The following GOLGA8O variants were observed in gnomAD, a reference collection of about 807,000 sequenced individuals.
GOLGA8O encodes the protein golgin subfamily A member 8O.
In GOLGA8O, 4 loss-of-function variants were observed where a neutral mutation model predicts 29.7. The ratio of observed to expected loss-of-function variants is 0.13; its 90% confidence interval spans 0.07 to 0.31. The LOEUF (loss-of-function observed/expected upper bound fraction) is 0.31, where lower values mean the gene tolerates loss of function less well. Among genes scored for constraint, GOLGA8O ranks in the 10% least tolerant of loss-of-function variants. GOLGA8O has a pLI of 1.00. For synonymous variants in GOLGA8O, 6 were observed against 78.0 expected (o/e 0.08, Z 4.87); for missense variants, 32 against 216.5 (o/e 0.15, Z 5.35).
chr15:32,442,341 G>T lies in GOLGA8O; in HGVS notation c.*2765C>A. Among the ~76,000 whole-genome samples the T allele has an allele frequency of 2.5e-5, 1 of 39,952 alleles. No individual in the cohort carries two copies. The highest frequency in any genetic ancestry group is 1.3e-4 in the African/African-American group (1 of 7,612). The allele number at this position is 39,952 out of a possible 152,430, so 26.2% of individuals were successfully genotyped here. A position where few individuals can be genotyped will look rare whatever the true frequency, so the allele number is the denominator to read the frequency against. On this transcript the variant is annotated 3_prime_UTR_variant, in exon 19 of 19. Coordinates refer to ENST00000509311, the MANE Select transcript of GOLGA8O (RefSeq NM_001277308.1). ...GAGCTGATTTTTTTTTTCATTTCTG[G>T]AAAATTATCAGGTTTAATCAAATAC...
chr15:32,452,578 T>C lies in GOLGA8O; in HGVS notation c.229-7A>G, dbSNP rs766110720. 2.2e-5 allele frequency: 23 copies of C among 1,039,050 alleles called. 1 individual carries two copies. The Admixed American group carries it at 2.2e-4, about 10-fold the overall frequency. The allele number at this position is 1,039,050 out of a possible 1,614,324, so 64.4% of individuals were successfully genotyped here. A position where few individuals can be genotyped will look rare whatever the true frequency, so the allele number is the denominator to read the frequency against. On this transcript the variant is annotated splice_polypyrimidine_tract_variant and splice_region_variant and intron_variant, in intron 3 of 18. Coordinates refer to ENST00000509311, the MANE Select transcript of GOLGA8O (RefSeq NM_001277308.1). ...CTCGTTCTTGGCACGGGCTCTGAGG[T>C]GCATGCAGAGAGGAGGAGGTGGAGC...
At chr15:32,458,794 G>T (rs1470150586), upstream of GOLGA8O, among the ~76,000 whole-genome samples, 1 of 107,782 alleles carries the variant, frequency 9.3e-6, no homozygotes, top group Non-Finnish European at 2.0e-5. Flanking sequence ...ACTGCAGATG[G>T]GTGTCACCAC....
intron 8 of GOLGA8O, among the ~76,000 whole-genome samples, chr15:32,450,577 A>C (rs1236805312): frequency 6.8e-6 from 1 of 147,032 alleles, no homozygotes; most frequent in South Asian, 2.2e-4. Context: ...TTTCTACAGA[A>C]ATGGTAACAT....
At chr15:32,458,879 T>C, upstream of GOLGA8O, among the ~76,000 whole-genome samples, 1 of 92,084 alleles carries the variant, frequency 1.1e-5, no homozygotes, top group African/African-American at 5.1e-5. Context: ...GCTCCTGGGC[T>C]CAAGTGATCC....
In GOLGA8O at chr15:32,451,511, C is replaced by G; in HGVS notation, c.348+90G>C. The stretch of plus-strand genomic sequence containing the variant: ...TGAGGGGTGAGCCTTCTTCCCCAAG[C>G]TGGGAGTGGGTGAGACGAGACTGGG... On this transcript the variant is annotated intron_variant, in intron 5 of 18. Transcript: ENST00000509311. The G allele has an allele frequency of 1.9e-6, 3 of 1,596,246 alleles. 1 individual carries two copies. The Admixed American group carries it at 5.1e-5, about 27-fold the overall frequency.
chr15:32,452,639 G>A (rs1274699830), intron 3 of GOLGA8O, 68 bp from the exon 4 acceptor site: 40 of 393,962 alleles, frequency 1.0e-4, no homozygotes, highest in South Asian at 4.4e-4. Context: ...ATGATCGTTA[G>A]GGCTGGGGTG....
chr15:32,460,651 A>T, the GOLGA8O span, among the ~76,000 whole-genome samples: 6 of 94,956 alleles, frequency 6.3e-5, no homozygotes, highest in Non-Finnish European at 1.3e-4. Flanking sequence ...TAAATGGTTT[A>T]CATGTACCAA....
In GOLGA8O at chr15:32,451,599, ACTTCTTCCAGCT is replaced by A. The variant is rs2055134010; in HGVS notation, c.338_348+1del. ...TGTCGCGAGGAAACGAAATCACGTTACTTCTTCCAGCTGATGTTCCACTTGTTTCTTCTGTTG... is the reference window on the plus strand; with the variant it reads ...TGTCGCGAGGAAACGAAATCACGTTAGATGTTCCACTTGTTTCTTCTGTTG... On this transcript the variant is annotated splice_donor_variant and coding_sequence_variant, in exon 5 of 19. Coordinates refer to ENST00000509311, the MANE Select transcript of GOLGA8O (RefSeq NM_001277308.1). LOFTEE classifies it high-confidence loss of function. 6.4e-7 allele frequency: 1 copy of A among 1,572,776 alleles called. No homozygotes were observed. Among genetic ancestry groups the A allele is most frequent in the Admixed American group, 1.7e-5 (1 of 58,662 alleles).
At chr15:32,455,660 C>T, upstream of GOLGA8O, 1 of 561,362 alleles carries the variant, frequency 1.8e-6, no homozygotes, top group Non-Finnish European at 3.1e-6. Flanking sequence ...TAACCAGGGC[C>T]CCAGTAGAAT....
At chr15:32,460,690 C>G in the GOLGA8O span, among the ~76,000 whole-genome samples, 8 of 97,692 alleles carry the variant, frequency 8.2e-5, 3 homozygotes, top group African/African-American at 3.8e-4. Context: ...AATACACACG[C>G]GCACACACAC....
upstream of GOLGA8O, chr15:32,455,797 TG>T (rs1305682279): frequency 2.4e-5 from 3 of 125,412 alleles, no homozygotes; most frequent in African/African-American, 5.9e-5. Flanking sequence ...AAGCTGCCCA[TG>T]GCAACCGCTC....
intron 8 of GOLGA8O, among the ~76,000 whole-genome samples, chr15:32,450,710 C>T (rs1168470460): frequency 1.4e-4 from 22 of 151,744 alleles, no homozygotes; most frequent in African/African-American, 5.4e-4. Flanking sequence ...GCGTCCAGTG[C>T]TCACTCCCCA....
intron 5 of GOLGA8O, 96 bp downstream of exon 5, chr15:32,451,505 C>T: frequency 6.3e-7 from 1 of 1,594,676 alleles, no homozygotes; most frequent in Non-Finnish European, 8.5e-7. Context: ...AGCCTTCTTC[C>T]CCAAGCTGGG....
chr15:32,458,869 G>C (rs1271027085), upstream of GOLGA8O, among the ~76,000 whole-genome samples: 144 of 92,592 alleles, frequency 1.6e-3, no homozygotes, highest in Non-Finnish European at 2.6e-3. Context: ...CTAGTCTTGA[G>C]CTCCTGGGCT....
chr15:32,450,518 T>TACACACACGCAC (rs2055107584), intron 8 of GOLGA8O, among the ~76,000 whole-genome samples: 1 of 131,956 alleles, frequency 7.6e-6, no homozygotes. Flanking sequence ...TCACAGTATG[T>TACACACACGCAC]ACACACACAC....
rs538190670 is a variant in GOLGA8O at position 32,451,538 on chromosome 15, C to A, written c.348+63G>T. Reference sequence around the variant, plus strand: ...GGGAGTGGGTGAGACGAGACTGGGGCCTGTATGTCTGAGTGCCCCCCAAAC... The same window carrying A: ...GGGAGTGGGTGAGACGAGACTGGGGACTGTATGTCTGAGTGCCCCCCAAAC... On this transcript the variant is annotated intron_variant, in intron 5 of 18. Coordinates refer to ENST00000509311, the MANE Select transcript of GOLGA8O (RefSeq NM_001277308.1). The A allele has an allele frequency of 9.6e-3, 15,312 of 1,596,552 alleles. 681 individuals are homozygous for A. Among genetic ancestry groups the A allele is most frequent in the Non-Finnish European group, 0.012 (13,634 of 1,177,114 alleles).
At chr15:32,458,632 T>TATTC (rs2055206746), upstream of GOLGA8O, among the ~76,000 whole-genome samples, 1 of 93,922 alleles carries the variant, frequency 1.1e-5, no homozygotes. Context: ...TTTTTATTTT[T>TATTC]ATTTATTTAT....
At position 32,451,628 on chromosome 15, in the gene GOLGA8O, CTTCTG is replaced by C. The variant is rs2055134631; in HGVS notation, c.316_320del (p.Gln106GlufsTer53). The C allele has an allele frequency of 6.4e-7, 1 of 1,566,568 alleles. No homozygotes were observed. The highest frequency in any genetic ancestry group is 1.7e-5 in the Admixed American group (1 of 57,706). On this transcript the variant is annotated frameshift_variant, in exon 5 of 19. Coordinates refer to ENST00000509311, the MANE Select transcript of GOLGA8O (RefSeq NM_001277308.1). LOFTEE classifies it high-confidence loss of function. Reference sequence around the variant, plus strand: ...CTTCCAGCTGATGTTCCACTTGTTTCTTCTGTTGTTTCTGTGGGGAGAGTCAAATA... The same window carrying C: ...CTTCCAGCTGATGTTCCACTTGTTTCTTGTTTCTGTGGGGAGAGTCAAATA...
Position 32,451,100 on chromosome 15 carries a change from G to A in GOLGA8O, c.481+18C>T, listed in dbSNP as rs766930629. The A allele has an allele frequency of 8.6e-7, 1 of 1,158,120 alleles. No homozygotes were observed. Among genetic ancestry groups the A allele is most frequent in the East Asian group, 2.6e-5 (1 of 38,694 alleles). The allele number at this position is 1,158,120 out of a possible 1,614,324, so 71.7% of individuals were successfully genotyped here. A position where few individuals can be genotyped will look rare whatever the true frequency, so the allele number is the denominator to read the frequency against. ...CAAAGTGCCAGGTTGAAGGATGACA[G>A]GGTGCCCAGATTCCCACCTTCAAAG... On this transcript the variant is annotated intron_variant, in intron 7 of 18. Coordinates refer to ENST00000509311, the MANE Select transcript of GOLGA8O (RefSeq NM_001277308.1).
Sources: gnomAD v4.1 joint callset for allele counts (sites outside exome capture counted in the v4.1 genomes callset) on GRCh38, gnomAD v4.1.1 for gene constraint, MANE v1.5 for transcripts, NCBI Gene and HGNC (gene_info 2026-07-23, HGNC 2026-07-21) for gene names.